Variants in TM4SF19 observed in about 807,000 individuals in gnomAD.
TM4SF19 encodes transmembrane 4 L six family member 19.
A neutral mutation model predicts 21.8 loss-of-function variants in TM4SF19; 17 were observed. The observed-to-expected ratio is 0.78, with a 90% CI of 0.53 to 1.17. TM4SF19 has a LOEUF of 1.17. Among genes scored for constraint, TM4SF19 ranks in the 50% most tolerant of loss-of-function variants. The probability of loss-of-function intolerance (pLI) is 0.00; values close to 1 mark genes in which losing one functional copy is unlikely to be tolerated. For synonymous variants in TM4SF19, 107 were observed against 106.7 expected (o/e 1.00, Z -0.02); for missense variants, 216 against 252.1 (o/e 0.86, Z 0.97).
rs1053711728 is a variant in TM4SF19 at position 196,325,976 on chromosome 3, ATTTAT to A, written c.279+974_279+978del. ...TGTTTATTTATTTATCTATGTACTT[ATTTAT>A]TTATTTATTTTGAAACGGAGTCTCG... is the stretch of plus-strand genomic sequence containing the variant. On this transcript the variant is annotated intron_variant, in intron 3 of 4. Coordinates refer to ENST00000273695, the MANE Select transcript of TM4SF19 (RefSeq NM_138461.4). The surrounding 1 kb of genome is among the most constrained non-coding windows in gnomAD (Gnocchi z 4.3). 3.1e-4 allele frequency among the ~76,000 whole-genome samples: 47 copies of A among 152,126 alleles called. No individual in the cohort carries two copies. The highest frequency in any genetic ancestry group is 1.1e-3 in the African/African-American group (45 of 41,534).
At chr3:196,337,051 C>CTTCTTTT (rs1553846447) in intron 1 of TM4SF19, among the ~76,000 whole-genome samples, 1 of 67,816 alleles carries the variant, frequency 1.5e-5, no homozygotes, top group African/African-American at 6.6e-5. Flanking sequence ...AAAAGCAATT[C>CTTCTTTT]TTTTTTTTTT....
chr3:196,323,928 G>A lies in TM4SF19; in HGVS notation c.519C>T (p.His173=), dbSNP rs770343523. Residue 173 remains histidine (H), a synonymous_variant, in exon 5 of 5, where the codon CAC becomes CAT. Transcript: ENST00000273695. ...CLEPSAAVVW[H]VSLFSALLCI... is the part of the protein sequence containing the mutation. ...ACAGAAGGGCGGAGAAGAGGGACAC[G>A]TGCCAGACAACAGCTGCAGAGGGCT... 13 of 1,613,974 alleles carry A rather than the reference G, an allele frequency of 8.1e-6. No individual in the cohort carries two copies. Among genetic ancestry groups the A allele is most frequent in the Non-Finnish European group, 1.1e-5 (13 of 1,180,016 alleles).
At chr3:196,335,628 G>T (rs1368447234) in intron 1 of TM4SF19, among the ~76,000 whole-genome samples, 2 of 151,694 alleles carry the variant, frequency 1.3e-5, no homozygotes, top group Non-Finnish European at 2.9e-5. Context: ...GAGGGATGGG[G>T]TGTCTCTTCC....
intron 4 of TM4SF19, 36 bp from the exon 5 acceptor site, chr3:196,324,033 ATAAG>A: frequency 2.5e-6 from 4 of 1,606,944 alleles, no homozygotes; most frequent in Non-Finnish European, 3.4e-6. Flanking sequence ...GGGTCAGGCG[ATAAG>A]TAAGGAAAGC....
At chr3:196,328,313 A>C (rs1040103793) in intron 1 of TM4SF19, among the ~76,000 whole-genome samples, 2 of 151,918 alleles carry the variant, frequency 1.3e-5, no homozygotes, top group African/African-American at 4.8e-5. Context: ...AAAAAAAAAA[A>C]GTAACATTGT....
At chr3:196,332,339 G>A (rs746877852) in intron 1 of TM4SF19, among the ~76,000 whole-genome samples, 164 of 149,000 alleles carry the variant, frequency 1.1e-3, no homozygotes, top group South Asian at 6.5e-4. Context: ...GCTTGAGCCC[G>A]AGAGGCAGAG....
chr3:196,331,835 G>A (rs2108810298), intron 1 of TM4SF19, among the ~76,000 whole-genome samples: 1 of 152,112 alleles, frequency 6.6e-6, no homozygotes, highest in South Asian at 2.1e-4. Context: ...ATGTGGCCCA[G>A]GCTGGTCTCA....
rs769625381 is a variant in TM4SF19 at position 196,327,404 on chromosome 3, C to T, written c.187G>A (p.Gly63Arg). 6.2e-7 allele frequency: 1 copy of T among 1,614,042 alleles called. No individual in the cohort carries two copies. The highest frequency in any genetic ancestry group is 2.2e-5 in the East Asian group (1 of 44,884). The part of the protein sequence containing the change: ...RHAMLGTGLW[G>R]GGLMVLTAAI... ...CGGACACTTACCATGAGGCCTCCTC[C>T]CCAGAGCCCAGTTCCCAGCATGGCA... Residue 63 changes from glycine to arginine, a missense_variant, in exon 2 of 5, where the codon GGA becomes AGA. Physicochemically the swap from Gly to Arg is moderately radical, Grantham distance 125. Coordinates refer to ENST00000273695, the MANE Select transcript of TM4SF19 (RefSeq NM_138461.4).
intron 1 of TM4SF19, among the ~76,000 whole-genome samples, chr3:196,332,578 TATA>T (rs779024878): frequency 1.3e-5 from 2 of 151,506 alleles, no homozygotes; most frequent in Non-Finnish European, 2.9e-5. Flanking sequence ...ATCATATACA[TATA>T]ATGTATAATG....
intron 1 of TM4SF19, among the ~76,000 whole-genome samples, chr3:196,337,660 C>G (rs1727824084): frequency 1.3e-5 from 2 of 152,228 alleles, no homozygotes; most frequent in Non-Finnish European, 2.9e-5. Flanking sequence ...CATGCGGCCC[C>G]TCCCAAGTGC....
chr3:196,327,961 A>G (rs1204540189), intron 1 of TM4SF19, among the ~76,000 whole-genome samples: 1 of 152,178 alleles, frequency 6.6e-6, no homozygotes, highest in Non-Finnish European at 1.5e-5. Context: ...GGCCAGTGCA[A>G]TACGAAAATA....
At chr3:196,331,275 T>TA (rs201896965) in intron 1 of TM4SF19, among the ~76,000 whole-genome samples, 1,725 of 142,366 alleles carry the variant, frequency 0.012, 29 homozygotes, top group African/African-American at 0.039. Context: ...AAGCTCTATC[T>TA]AAAAAAAAAA....
intron 1 of TM4SF19, among the ~76,000 whole-genome samples, chr3:196,337,674 T>C (rs1285810674): frequency 6.6e-6 from 1 of 152,190 alleles, no homozygotes; most frequent in Non-Finnish European, 1.5e-5. Context: ...CAAGTGCCTG[T>C]GCGGCAGGCA....
intron 1 of TM4SF19, among the ~76,000 whole-genome samples, chr3:196,333,640 G>C (rs1005001115): frequency 1.3e-5 from 2 of 152,108 alleles, no homozygotes; most frequent in Non-Finnish European, 2.9e-5. Context: ...CTATCTGTAG[G>C]TACCGCGCTC....
chr3:196,335,818 G>A (rs1351101008), intron 1 of TM4SF19, among the ~76,000 whole-genome samples: 4 of 152,124 alleles, frequency 2.6e-5, no homozygotes, highest in African/African-American at 7.2e-5. Context: ...GCAGTGCGGG[G>A]CTTGCAGTGT....
Position 196,329,158 on chromosome 3 carries a change from G to A in TM4SF19, c.-1-1567C>T, listed in dbSNP as rs914243461. ...GGGGTTTCACCGTGTTAGCCAGGAC[G>A]GTCTTGATCTCCTGACCTCGTGATC... On this transcript the variant is annotated intron_variant, in intron 1 of 4. Transcript: ENST00000273695. 8.7e-5 allele frequency among the ~76,000 whole-genome samples: 11 copies of A among 125,820 alleles called. 1 individual carries two copies. The highest frequency in any genetic ancestry group is 2.7e-4 in the African/African-American group (10 of 37,540). 82.5% of individuals were successfully genotyped at this position (125,820 alleles called of 152,430 possible).
chr3:196,326,067 C>A (rs1359866268), intron 3 of TM4SF19, among the ~76,000 whole-genome samples: 1 of 152,134 alleles, frequency 6.6e-6, no homozygotes, highest in Non-Finnish European at 1.5e-5. Flanking sequence ...CTCCGCCTCC[C>A]GGGTTCAAGA....
chr3:196,324,548 G>T, intron 3 of TM4SF19, 108 bp from the exon 4 acceptor site: 1 of 1,187,708 alleles, frequency 8.4e-7, no homozygotes. Context: ...GGAGTCTGTG[G>T]GGCGGTCTGC....
In TM4SF19 at chr3:196,323,873, C is replaced by A; in HGVS notation, c.574G>T (p.Val192Phe). 1 of 1,614,108 alleles carries A rather than the reference C, an allele frequency of 6.2e-7. No homozygotes were observed. Among genetic ancestry groups the A allele is most frequent in the Non-Finnish European group, 8.5e-7 (1 of 1,180,026 alleles). ...AGGAGGCTGTTGATGACATGAACGA[C>A]CACCAGGAGAAGCTGGAGCAGGCTG... ...CISLLQLLLV[V>F]VHVINSLLGL... Residue 192 changes from valine (V) to phenylalanine (F), a missense_variant, in exon 5 of 5, where the codon GTC becomes TTC. By Grantham distance (50) the Val-to-Phe change is conservative. Transcript: ENST00000273695.
Sources: gnomAD v4.1 joint callset for allele counts (sites outside exome capture counted in the v4.1 genomes callset) on GRCh38, gnomAD v4.1.1 for gene constraint, Gnocchi (gnomAD v3.1) non-coding constraint, MANE v1.5 for transcripts, NCBI Gene and HGNC (gene_info 2026-07-23, HGNC 2026-07-21) for gene names.